The following TOPAZ1 variants were observed in gnomAD, a reference collection of about 807,000 sequenced individuals.
TOPAZ1 encodes the protein protein TOPAZ1.
In TOPAZ1, 66 loss-of-function variants were observed where a neutral mutation model predicts 172.2. The observed-to-expected ratio is 0.38, with a 90% CI of 0.31 to 0.47. The LOEUF (loss-of-function observed/expected upper bound fraction) is 0.47, where lower values mean the gene tolerates loss of function less well. TOPAZ1 is among the 20% of genes least tolerant of loss of function. TOPAZ1 has a pLI of 0.99. For synonymous variants in TOPAZ1, 681 were observed against 683.9 expected (o/e 1.00, Z 0.07); for missense variants, 1,822 against 1,972.4 (o/e 0.92, Z 1.44).
chr3:44,321,254 G>T, intron 17 of TOPAZ1, 63 bp downstream of exon 17: 1 of 1,157,480 alleles, frequency 8.6e-7, no homozygotes, highest in Non-Finnish European at 1.2e-6. Context: ...CTGTTAATAA[G>T]AAATAGTTAT....
Position 44,311,156 on chromosome 3 carries a change from A to G in TOPAZ1, c.4306+1166A>G, listed in dbSNP as rs895536149. Among the ~76,000 whole-genome samples the G allele has an allele frequency of 5.9e-5, 9 of 152,268 alleles. No homozygotes were observed. In the South Asian group the frequency reaches 1.0e-3, roughly 18 times the overall value. ...ATATATTCATATACATGTGATTCATATATGGGAAATATATGTATATAAAAT... is the reference window on the plus strand; with the variant it reads ...ATATATTCATATACATGTGATTCATGTATGGGAAATATATGTATATAAAAT... On this transcript the variant is annotated intron_variant, in intron 16 of 19. Transcript: ENST00000309765.
chr3:44,310,018 ATAATTCGT>A (rs1700380796), intron 16 of TOPAZ1, 28 bp downstream of exon 16: 1 of 1,514,822 alleles, frequency 6.6e-7, no homozygotes, highest in Non-Finnish European at 8.9e-7. Context: ...CAAGCATAAA[ATAATTCGT>A]TATACTTGTC....
rs528244394 is a variant in TOPAZ1, at chr3:44,267,455, C to T, written c.3160+319C>T. On this transcript the variant is annotated intron_variant, in intron 6 of 19. Transcript: ENST00000309765. ...GATTACAGGCACCTGCCACCATGCCCGGCTAATTTTTTTGTATTTTTAGTA... is the reference window on the plus strand; with the variant it reads ...GATTACAGGCACCTGCCACCATGCCTGGCTAATTTTTTTGTATTTTTAGTA... Among the ~76,000 whole-genome samples the T allele has an allele frequency of 4.1e-3, 617 of 151,914 alleles. 9 individuals are homozygous for T. The highest frequency in any genetic ancestry group is 0.014 in the African/African-American group (589 of 41,412).
chr3:44,252,007 C>G (rs1273797146), intron 2 of TOPAZ1, among the ~76,000 whole-genome samples: 1 of 151,928 alleles, frequency 6.6e-6, no homozygotes, highest in Non-Finnish European at 1.5e-5. Flanking sequence ...CTCTCAAATT[C>G]CAAACAAAAA....
At chr3:44,262,390 G>T in intron 4 of TOPAZ1, 29 bp from the exon 5 acceptor site, 2 of 1,267,018 alleles carry the variant, frequency 1.6e-6, no homozygotes, top group Non-Finnish European at 1.1e-6. Flanking sequence ...ACCTTCACTT[G>T]TACTTATTTA....
intron 8 of TOPAZ1, among the ~76,000 whole-genome samples, chr3:44,278,130 A>G (rs916259405): frequency 2.0e-5 from 3 of 152,212 alleles, no homozygotes; most frequent in Non-Finnish European, 4.4e-5. Context: ...GCATTTATTG[A>G]GATGATCATA....
At chr3:44,270,952 G>T in intron 8 of TOPAZ1, 142 bp downstream of exon 8, 1 of 725,446 alleles carries the variant, frequency 1.4e-6, no homozygotes, top group Non-Finnish European at 2.1e-6. Flanking sequence ...GGAATCATAT[G>T]TGTATTCTTT....
intron 1 of TOPAZ1, 145 bp from the exon 2 acceptor site, chr3:44,242,708 G>T (rs1324995593): frequency 2.8e-6 from 2 of 713,934 alleles, no homozygotes; most frequent in East Asian, 5.8e-5. Context: ...AGAAATTAAG[G>T]CTTTCATTTA....
chr3:44,243,117 A>G lies in TOPAZ1; in HGVS notation c.611A>G (p.Lys204Arg). The G allele has an allele frequency of 6.5e-7, 1 of 1,550,140 alleles. No homozygotes were observed. The highest frequency in any genetic ancestry group is 1.2e-5 in the South Asian group (1 of 83,552). The part of the protein sequence containing the change: ...IKVEFQDELY[K>R]NTPKYSCNIL... Reference sequence around the variant, plus strand: ...GTTGAATTCCAAGATGAACTGTACAAGAATACTCCAAAATATTCTTGTAAT... The same window carrying G: ...GTTGAATTCCAAGATGAACTGTACAGGAATACTCCAAAATATTCTTGTAAT... Residue 204 changes from lysine to arginine, a missense_variant, in exon 2 of 20, where the codon AAG becomes AGG. Coordinates refer to ENST00000309765, the MANE Select transcript of TOPAZ1 (RefSeq NM_001145030.2).
At position 44,244,511 on chromosome 3, in the gene TOPAZ1, A is replaced by G. The variant is rs1469586554; in HGVS notation, c.2005A>G (p.Thr669Ala). 1.3e-6 allele frequency: 2 copies of G among 1,551,422 alleles called. No individual in the cohort carries two copies. The highest frequency in any genetic ancestry group is 2.0e-5 in the Admixed American group (1 of 50,974). Residue 669 changes from threonine to alanine, a missense_variant, in exon 2 of 20, where the codon ACA (threonine) becomes GCA (alanine). Physicochemically the swap from Thr to Ala is moderately conservative, Grantham distance 58 (BLOSUM62 0). Around this residue, in one of 2 missense-constraint regions of TOPAZ1, gnomAD observed 1,489 missense variants for 1,490.8 expected, o/e 1.00. Coordinates refer to ENST00000309765, the MANE Select transcript of TOPAZ1 (RefSeq NM_001145030.2). ...IHRKACIAQQTFIVPDLVKIL... is the reference protein window; with the variant it reads ...IHRKACIAQQAFIVPDLVKIL... ...TCGAAAAGCATGCATTGCTCAACAA[A>G]CATTTATAGTTCCAGACTTGGTTAA...
chr3:44,312,976 C>T (rs1400192934), intron 16 of TOPAZ1, among the ~76,000 whole-genome samples: 4 of 151,788 alleles, frequency 2.6e-5, no homozygotes, highest in East Asian at 1.9e-4. Context: ...GTTGTTATAC[C>T]GACACTTTTA....
chr3:44,312,734 C>A (rs973889962), intron 16 of TOPAZ1, among the ~76,000 whole-genome samples: 1 of 152,154 alleles, frequency 6.6e-6, no homozygotes, highest in Non-Finnish European at 1.5e-5. Context: ...TTAAGACTAT[C>A]ATTTTATAAT....
chr3:44,285,191 A>G (rs1700064765), intron 9 of TOPAZ1, among the ~76,000 whole-genome samples: 1 of 152,196 alleles, frequency 6.6e-6, no homozygotes, highest in Non-Finnish European at 1.5e-5. Flanking sequence ...GGCTGGGTAC[A>G]GTGGCTCACA....
intron 2 of TOPAZ1, among the ~76,000 whole-genome samples, chr3:44,249,506 T>C (rs984815532): frequency 2.0e-5 from 3 of 152,208 alleles, no homozygotes; most frequent in South Asian, 2.1e-4. Flanking sequence ...AAGGTTTTCC[T>C]GATTCCATCA....
chr3:44,313,336 G>A (rs764467391), intron 16 of TOPAZ1, among the ~76,000 whole-genome samples: 3 of 152,128 alleles, frequency 2.0e-5, no homozygotes, highest in Non-Finnish European at 4.4e-5. Flanking sequence ...CCCGGGCCAG[G>A]TGCGGTGGCT....
At position 44,243,197 on chromosome 3, in the gene TOPAZ1, T is replaced by C; in HGVS notation, c.691T>C (p.Cys231Arg). The C allele has an allele frequency of 6.5e-7, 1 of 1,548,928 alleles. No homozygotes were observed. The highest frequency in any genetic ancestry group is 1.2e-5 in the South Asian group (1 of 82,954). Reference protein sequence around the residue: ...NSVLKLRDCNCFPHSKGCNDE... With the variant: ...NSVLKLRDCNRFPHSKGCNDE... Reference sequence around the variant, plus strand: ...CGTTTTAAAATTACGTGATTGCAATTGTTTCCCCCATTCCAAGGGTTGTAA... The same window carrying C: ...CGTTTTAAAATTACGTGATTGCAATCGTTTCCCCCATTCCAAGGGTTGTAA... Residue 231 changes from cysteine to arginine, a missense_variant, in exon 2 of 20, where the codon TGT becomes CGT. Transcript: ENST00000309765.
At chr3:44,264,147 T>A (rs1699803954) in intron 5 of TOPAZ1, among the ~76,000 whole-genome samples, 1 of 152,206 alleles carries the variant, frequency 6.6e-6, no homozygotes, top group African/African-American at 2.4e-5. Flanking sequence ...AATATTTTGC[T>A]CTAATCTTAA....
intron 11 of TOPAZ1, 103 bp downstream of exon 11, chr3:44,287,942 A>T (rs1700097604): frequency 1.1e-5 from 7 of 615,784 alleles, no homozygotes; most frequent in South Asian, 2.0e-5. Context: ...CACATTCTGG[A>T]TGCCAAAGAA....
At position 44,328,564 on chromosome 3, in the gene TOPAZ1, A is replaced by C. The variant is rs962144165; in HGVS notation, c.4859+131A>C. 4 of 430,954 alleles carry C rather than the reference A, an allele frequency of 9.3e-6. No individual in the cohort carries two copies. In the East Asian group the frequency reaches 1.2e-4, roughly 13 times the overall value. The allele number at this position is 430,954 out of a possible 1,614,324, so 26.7% of individuals were successfully genotyped here. On this transcript the variant is annotated intron_variant, in intron 19 of 19. Coordinates refer to ENST00000309765, the MANE Select transcript of TOPAZ1 (RefSeq NM_001145030.2). ...ATGTATATATTTATATATGTACTTT[A>C]TGTGTGTGTATTGCAAACTCTGATA...
Sources: allele counts gnomAD v4.1 joint callset (sites outside exome capture counted in the v4.1 genomes callset), GRCh38; gene constraint gnomAD v4.1.1; regional missense constraint gnomAD v4.1.1; transcripts MANE v1.5; gene names NCBI Gene and HGNC (gene_info 2026-07-23, HGNC 2026-07-21).